B3GAT1: variants seen among roughly 807,000 people sequenced by gnomAD.
B3GAT1 encodes the protein galactosylgalactosylxylosylprotein 3-beta-glucuronosyltransferase 1.
Under a neutral mutation model 28.4 loss-of-function variants are expected in B3GAT1, and 11 were observed. The ratio of observed to expected loss-of-function variants is 0.39; its 90% confidence interval spans 0.24 to 0.64. The LOEUF (loss-of-function observed/expected upper bound fraction) is 0.64, where lower values mean the gene tolerates loss of function less well. Ranked by LOEUF, B3GAT1 falls within the 30% of genes least tolerant of loss-of-function variation. The pLI, the probability that B3GAT1 is intolerant of heterozygous loss-of-function variation, is 0.50. For synonymous variants in B3GAT1, 255 were observed against 223.1 expected (o/e 1.14, Z -1.27); for missense variants, 375 against 491.0 (o/e 0.76, Z 2.23).
intron 1 of B3GAT1, chr11:134,390,453 C>G (rs1860776528): frequency 1.3e-5 from 2 of 152,218 alleles, no homozygotes; most frequent in African/African-American, 4.8e-5. Flanking sequence ...CTCAAGTGCT[C>G]CTGGTGTTGG....
intron 2 of B3GAT1, 44 bp from the exon 3 acceptor site, chr11:134,384,232 T>C (rs1944220696): frequency 6.6e-7 from 1 of 1,509,066 alleles, no homozygotes; most frequent in Non-Finnish European, 8.8e-7. Context: ...GAGCGCCGGC[T>C]ACGGCCCTGG....
chr11:134,392,855 C>T (rs1006806448), intron 1 of B3GAT1, among the ~76,000 whole-genome samples: 9 of 152,190 alleles, frequency 5.9e-5, no homozygotes, highest in African/African-American at 2.2e-4. Flanking sequence ...TCTTCTGAGC[C>T]TGCAGGTGTT....
chr11:134,407,625 C>CGG (rs1254688693), intron 1 of B3GAT1, among the ~76,000 whole-genome samples: 1 of 152,192 alleles, frequency 6.6e-6, no homozygotes, highest in African/African-American at 2.4e-5. Context: ...GCACTTGGCG[C>CGG]GGAGGCTGCC....
In B3GAT1 at chr11:134,411,261, C is replaced by T. The variant is rs971873768; in HGVS notation, c.-282+546G>A. Among the ~76,000 whole-genome samples the T allele has an allele frequency of 6.6e-6, 1 of 152,202 alleles. No individual in the cohort carries two copies. Among genetic ancestry groups the T allele is most frequent in the African/African-American group, 2.4e-5 (1 of 41,446 alleles). On this transcript the variant is annotated intron_variant, in intron 1 of 5. Coordinates refer to ENST00000312527, the MANE Select transcript of B3GAT1 (RefSeq NM_054025.3). The surrounding 1 kb of genome is among the most constrained non-coding windows in gnomAD (Gnocchi z 6.0). ...GTGGTGAACTGGTCGCGCCTCCTTC[C>T]TCCTTGCTACACCGAAGGTCCCAAG...
intron 1 of B3GAT1, among the ~76,000 whole-genome samples, chr11:134,400,100 G>A (rs1179330122): frequency 6.6e-6 from 1 of 152,118 alleles, no homozygotes; most frequent in Non-Finnish European, 1.5e-5. Context: ...CTGGCGAGGG[G>A]AGACTCTCCT....
chr11:134,387,771 G>C lies in B3GAT1; in HGVS notation c.-112C>G. On this transcript the variant is annotated 5_prime_UTR_variant, in exon 2 of 6. Transcript: ENST00000312527. Reference sequence around the variant, plus strand: ...GGGGAGAAAAGAACAGGCATGGGCCGGGCCGGCCAGGCATGGAGAGGACAG... The same window carrying C: ...GGGGAGAAAAGAACAGGCATGGGCCCGGCCGGCCAGGCATGGAGAGGACAG... 6.5e-7 allele frequency: 1 copy of C among 1,548,678 alleles called. No individual in the cohort carries two copies. The highest frequency in any genetic ancestry group is 8.7e-7 in the Non-Finnish European group (1 of 1,149,618).
At chr11:134,388,501 C>G (rs1390214797) in intron 1 of B3GAT1, 1 of 156,146 alleles carries the variant, frequency 6.4e-6, no homozygotes, top group African/African-American at 2.4e-5. Context: ...TTTGGGGGCA[C>G]ATGTGCAGGT....
chr11:134,382,074 T>G, intron 4 of B3GAT1, 50 bp from the exon 5 acceptor site: 1 of 1,515,744 alleles, frequency 6.6e-7, no homozygotes, highest in Non-Finnish European at 9.2e-7. Flanking sequence ...CTGACCTCAC[T>G]CTGCTGCCTC....
chr11:134,384,219 G>C (rs1183551778), intron 2 of B3GAT1, 31 bp from the exon 3 acceptor site: 1 of 1,516,776 alleles, frequency 6.6e-7, no homozygotes, highest in Non-Finnish European at 8.8e-7. Flanking sequence ...CGATGTGGGA[G>C]GAGAGCGCCG....
rs1335783508 is a variant in B3GAT1, at chr11:134,411,960, A to G, written c.-435T>C. On this transcript the variant is annotated 5_prime_UTR_variant, in exon 1 of 6. Coordinates refer to ENST00000312527, the MANE Select transcript of B3GAT1 (RefSeq NM_054025.3). The surrounding 1 kb of genome is among the most constrained non-coding windows in gnomAD (Gnocchi z 6.0). The stretch of plus-strand genomic sequence containing the variant: ...TCCGGGCCCCCGGGGGCCACTTCAT[A>G]GCCGCGGGGTCCGCGCGCCCGCCCG... 1 of 144,558 alleles carries G rather than the reference A, an allele frequency of 6.9e-6. No individual in the cohort carries two copies. Among genetic ancestry groups the G allele is most frequent in the Non-Finnish European group, 1.5e-5 (1 of 65,190 alleles). 9.0% of individuals were successfully genotyped at this position (144,558 alleles called of 1,614,324 possible).
intron 1 of B3GAT1, among the ~76,000 whole-genome samples, chr11:134,406,437 C>T (rs993114623): frequency 1.3e-5 from 2 of 151,222 alleles, no homozygotes; most frequent in African/African-American, 4.9e-5. Flanking sequence ...CATTCTAGCT[C>T]CCTGGGCTTC....
At chr11:134,387,262 G>T (rs540762276) in intron 2 of B3GAT1, 3 of 394,058 alleles carry the variant, frequency 7.6e-6, no homozygotes, top group Admixed American at 4.1e-5. Context: ...TTCCCCAGGG[G>T]GCAGGGCGTG....
At chr11:134,388,042 C>T in intron 1 of B3GAT1, 102 bp from the exon 2 acceptor site, 1 of 436,116 alleles carries the variant, frequency 2.3e-6, no homozygotes, top group Non-Finnish European at 4.5e-6. Context: ...GGGGGTTCCA[C>T]AATGGAGCCT....
chr11:134,383,890 G>A lies in B3GAT1; in HGVS notation c.411C>T (p.Thr137=), dbSNP rs569968054. 4 of 1,595,508 alleles carry A rather than the reference G, an allele frequency of 2.5e-6. No homozygotes were observed. The highest frequency in any genetic ancestry group is 2.3e-5 in the East Asian group (1 of 44,344). Reference sequence around the variant, plus strand: ...CGTGCAGGTGCGTGTAGTTGAGGCCGGTGTCGCGCAGCAGGCGCGCGGTCA... The same window carrying A: ...CGTGCAGGTGCGTGTAGTTGAGGCCAGTGTCGCGCAGCAGGCGCGCGGTCA... The part of the protein sequence containing the change: ...TPLTARLLRD[T]GLNYTHLHVE... Residue 137 remains threonine (T), a synonymous_variant, in exon 3 of 6, where the codon ACC becomes ACT. Coordinates refer to ENST00000312527, the MANE Select transcript of B3GAT1 (RefSeq NM_054025.3).
chr11:134,397,178 G>A (rs1051122064), intron 1 of B3GAT1, among the ~76,000 whole-genome samples: 1 of 152,090 alleles, frequency 6.6e-6, no homozygotes, highest in Non-Finnish European at 1.5e-5. Context: ...CCTAATCCTG[G>A]GCCAGGTCAA....
intron 5 of B3GAT1, among the ~76,000 whole-genome samples, chr11:134,381,142 A>G (rs926977595): frequency 8.5e-5 from 13 of 152,198 alleles, no homozygotes; most frequent in Admixed American, 8.5e-4. Flanking sequence ...AAGATCACAG[A>G]AAAGCCCCTG....
intron 1 of B3GAT1, chr11:134,390,684 A>T (rs574266509): frequency 6.6e-6 from 1 of 152,414 alleles, no homozygotes; most frequent in East Asian, 1.9e-4. Context: ...CCTGTGCAGT[A>T]GGCATGGCTG....
At chr11:134,389,373 G>C (rs1391489596) in intron 1 of B3GAT1, 1 of 152,530 alleles carries the variant, frequency 6.6e-6, no homozygotes, top group African/African-American at 2.4e-5. Context: ...CGCAGGGGCT[G>C]CCACATTGAG....
intron 1 of B3GAT1, among the ~76,000 whole-genome samples, chr11:134,400,620 C>T (rs1944594445): frequency 6.6e-6 from 1 of 152,180 alleles, no homozygotes; most frequent in African/African-American, 2.4e-5. Flanking sequence ...TCAAGATGGA[C>T]CAAAGATTTA....
Sources: gnomAD v4.1 joint callset for allele counts (sites outside exome capture counted in the v4.1 genomes callset) on GRCh38, gnomAD v4.1.1 for gene constraint, Gnocchi (gnomAD v3.1) non-coding constraint, MANE v1.5 for transcripts, NCBI Gene and HGNC (gene_info 2026-07-23, HGNC 2026-07-21) for gene names.